The following COMMD2 variants were observed in gnomAD, a reference collection of about 807,000 sequenced individuals.
COMMD2 encodes the protein COMM domain-containing protein 2.
In COMMD2, 25 loss-of-function variants were observed where a neutral mutation model predicts 22.5. The ratio of observed to expected loss-of-function variants is 1.11; its 90% CI spans 0.81 to 1.55. The LOEUF is 1.55. Ranked by LOEUF, COMMD2 falls within the 40% of genes most tolerant of loss-of-function variation. The pLI is 0.00. For missense variants in COMMD2, 223 were observed against 232.9 expected (o/e 0.96, Z 0.28); for synonymous variants, 98 against 91.2 (o/e 1.07, Z -0.42).
At chr3:149,751,126 A>G (rs1242161685) in intron 3 of COMMD2, among the ~76,000 whole-genome samples, 2 of 152,164 alleles carry the variant, frequency 1.3e-5, no homozygotes, top group East Asian at 3.8e-4. Context: ...ATACTGATAC[A>G]GTCTCCCTCC....
rs1419968344 is a variant in COMMD2 at position 149,741,607 on chromosome 3, G to A, written c.514C>T (p.Leu172=). Residue 172 remains leucine, a synonymous_variant, in exon 5 of 5, where the codon CTG becomes TTG. Transcript: ENST00000473414. ...TKVLQTDPAT[L]LHLVQQLEQA... is the part of the protein sequence containing the mutation. The stretch of plus-strand genomic sequence containing the variant: ...TCCAGTTGTTGAACCAAATGGAGCA[G>A]GGTGGCTGGGTCTGTCTGCAGAACT... The A allele has an allele frequency of 1.9e-6, 3 of 1,613,906 alleles. No individual in the cohort carries two copies. Among genetic ancestry groups the A allele is most frequent in the Non-Finnish European group, 2.5e-6 (3 of 1,179,994 alleles).
At chr3:149,744,450 G>A (rs960139295) in intron 4 of COMMD2, among the ~76,000 whole-genome samples, 6 of 152,204 alleles carry the variant, frequency 3.9e-5, no homozygotes, top group African/African-American at 1.4e-4. Flanking sequence ...GCATCAGTCT[G>A]ATGGTGGTAC....
At chr3:149,752,141 T>C (rs766927842) in intron 2 of COMMD2, 69 bp downstream of exon 2, 66 of 1,309,848 alleles carry the variant, frequency 5.0e-5, no homozygotes, top group Non-Finnish European at 6.8e-5. Context: ...TCCGTTTCTC[T>C]CCCGGGAGAC....
At chr3:149,750,443 A>C (rs914500624) in intron 4 of COMMD2, 1 of 535,342 alleles carries the variant, frequency 1.9e-6, no homozygotes, top group Non-Finnish European at 3.4e-6. Flanking sequence ...AAATCTATAT[A>C]ACCATCTCCT....
intron 4 of COMMD2, among the ~76,000 whole-genome samples, chr3:149,742,421 A>G (rs1194114632): frequency 6.6e-6 from 1 of 152,234 alleles, no homozygotes; most frequent in Non-Finnish European, 1.5e-5. Flanking sequence ...CCTCTTATAT[A>G]CATTTATTCA....
intron 4 of COMMD2, among the ~76,000 whole-genome samples, chr3:149,746,782 A>T (rs1716383867): frequency 1.3e-5 from 2 of 152,210 alleles, no homozygotes; most frequent in South Asian, 4.1e-4. Flanking sequence ...ACTCTGTCTC[A>T]AAAAATAAAA....
chr3:149,746,270 C>T (rs1576659027), intron 4 of COMMD2, among the ~76,000 whole-genome samples: 1 of 151,668 alleles, frequency 6.6e-6, no homozygotes, highest in Non-Finnish European at 1.5e-5. Context: ...ACTGTGGATA[C>T]CTTTTTAAGA....
At chr3:149,746,714 C>T (rs933982865) in intron 4 of COMMD2, among the ~76,000 whole-genome samples, 1 of 152,068 alleles carries the variant, frequency 6.6e-6, no homozygotes, top group Admixed American at 6.5e-5. Context: ...CCCTGGGAGG[C>T]GGAGCTTGCA....
chr3:149,739,158 T>C lies in COMMD2; in HGVS notation c.*2363A>G, dbSNP rs560508718. ...GCTTCAATAGAAATTTAGATAGTTA[T>C]AGAAGGTGCATTACTCAGAGTCAAG... On this transcript the variant is annotated 3_prime_UTR_variant, in exon 5 of 5. Transcript: ENST00000473414. 1 of 152,302 alleles carries C rather than the reference T, an allele frequency of 6.6e-6. No homozygotes were observed. Among genetic ancestry groups the C allele is most frequent in the East Asian group, 1.9e-4 (1 of 5,194 alleles). 9.4% of individuals were successfully genotyped at this position (152,302 alleles called of 1,614,324 possible). A position where few individuals can be genotyped will look rare whatever the true frequency, so the allele number is the denominator to read the frequency against.
Position 149,752,476 on chromosome 3 carries a change from C to T in COMMD2, c.-32G>A, listed in dbSNP as rs745747875. The stretch of plus-strand genomic sequence containing the variant: ...TGTCCTACGATTTCACCCGGCAGCG[C>T]CGACCCCGCCTTCGCCACTTCCGGC... On this transcript the variant is annotated 5_prime_UTR_variant, in exon 1 of 5. Coordinates refer to ENST00000473414, the MANE Select transcript of COMMD2 (RefSeq NM_016094.4). 1.3e-6 allele frequency: 2 copies of T among 1,591,696 alleles called. No homozygotes were observed.
intron 3 of COMMD2, 42 bp from the exon 4 acceptor site, chr3:149,750,893 G>T: frequency 1.5e-6 from 2 of 1,300,946 alleles, no homozygotes; most frequent in Non-Finnish European, 2.1e-6. Context: ...ATTTATCTTT[G>T]TCTAGCTAAA....
intron 2 of COMMD2, chr3:149,751,831 C>CTTT (rs11354448): frequency 1.6e-4 from 31 of 196,868 alleles, no homozygotes; most frequent in East Asian, 8.1e-4. Context: ...TAAAACAACA[C>CTTT]TTTTTTTTTT....
At chr3:149,746,491 G>A (rs1299940602) in intron 4 of COMMD2, among the ~76,000 whole-genome samples, 1 of 152,086 alleles carries the variant, frequency 6.6e-6, no homozygotes, top group Non-Finnish European at 1.5e-5. Context: ...TAAAGAAAAG[G>A]CCGGGTACGG....
chr3:149,750,677 C>A lies in COMMD2; in HGVS notation c.402+1G>T, dbSNP rs201925438. On this transcript the variant is annotated splice_donor_variant, in intron 4 of 4. Transcript: ENST00000473414. LOFTEE classifies it high-confidence loss of function. ...TTAAGTTAATTTTAAAAATGCTATA[C>A]CTGTACATCTAGTCGCCATTCAAGG... 6.4e-7 allele frequency: 1 copy of A among 1,558,110 alleles called. No individual in the cohort carries two copies. Among genetic ancestry groups the A allele is most frequent in the South Asian group, 1.2e-5 (1 of 81,934 alleles).
chr3:149,750,817 AC>A lies in COMMD2; in HGVS notation c.262del (p.Val88PhefsTer8). The A allele has an allele frequency of 6.3e-7, 1 of 1,595,576 alleles. No homozygotes were observed. Among genetic ancestry groups the A allele is most frequent in the African/African-American group, 1.3e-5 (1 of 74,616 alleles). On this transcript the variant is annotated frameshift_variant, in exon 4 of 5. Coordinates refer to ENST00000473414, the MANE Select transcript of COMMD2 (RefSeq NM_016094.4). LOFTEE classifies it high-confidence loss of function. ...GTTTAATTCTTCAGAGAATCCCAGAACAAAAACAGAGTCTTGGAAATCCAGT... is the reference window on the plus strand; with the variant it reads ...GTTTAATTCTTCAGAGAATCCCAGAAAAAAACAGAGTCTTGGAAATCCAGT... ...SELDFQDSVFVLGFSEELNKL... is the reference protein window; with the variant it reads ...SELDFQDSVFXLGFSEELNKL...
At chr3:149,747,625 G>A (rs1716414140) in intron 4 of COMMD2, among the ~76,000 whole-genome samples, 1 of 152,148 alleles carries the variant, frequency 6.6e-6, no homozygotes, top group Non-Finnish European at 1.5e-5. Context: ...TACAAACAGA[G>A]AGACAACTCT....
Position 149,741,602 on chromosome 3 carries a change from G to A in COMMD2, c.519C>T (p.Leu173=), listed in dbSNP as rs139970043. 3 of 1,613,918 alleles carry A rather than the reference G, an allele frequency of 1.9e-6. No homozygotes were observed. Among genetic ancestry groups the A allele is most frequent in the South Asian group, 1.1e-5 (1 of 91,082 alleles). ...CTTGTTCCAGTTGTTGAACCAAATG[G>A]AGCAGGGTGGCTGGGTCTGTCTGCA... ...KVLQTDPATL[L]HLVQQLEQAL... The change falls in exon 5 of 5, where the codon CTC becomes CTT. Residue 173 remains leucine (L), a synonymous_variant. Transcript: ENST00000473414.
At chr3:149,741,872 AAAT>A (rs772314291) in intron 4 of COMMD2, among the ~76,000 whole-genome samples, 154 bp from the exon 5 acceptor site, 3 of 152,198 alleles carry the variant, frequency 2.0e-5, no homozygotes, top group Admixed American at 6.5e-5. Context: ...TTTGAAAAGA[AAAT>A]AATGAGAATA....
chr3:149,740,077 A>G lies in COMMD2; in HGVS notation c.*1444T>C, dbSNP rs945633800. The stretch of plus-strand genomic sequence containing the variant: ...CAGTTTAGAGTTTGATTGCTTCTAC[A>G]GCCCTTTCTAGATTATTCCATGAAG... On this transcript the variant is annotated 3_prime_UTR_variant, in exon 5 of 5. Transcript: ENST00000473414. 1.3e-5 allele frequency: 2 copies of G among 152,214 alleles called. No homozygotes were observed. The highest frequency in any genetic ancestry group is 4.1e-4 in the South Asian group (2 of 4,834). 9.4% of individuals were successfully genotyped at this position (152,214 alleles called of 1,614,324 possible).
Sources: allele counts gnomAD v4.1 joint callset (sites outside exome capture counted in the v4.1 genomes callset), GRCh38; gene constraint gnomAD v4.1.1; transcripts MANE v1.5; gene names NCBI Gene and HGNC (gene_info 2026-07-23, HGNC 2026-07-21).